The following NOP9 variants were observed in gnomAD, a reference collection of about 807,000 sequenced individuals.
The protein encoded by NOP9 is nucleolar protein 9.
In NOP9, 50 loss-of-function variants were observed where a neutral mutation model predicts 63.0. The observed-to-expected ratio is 0.79, with a 90% CI of 0.63 to 1.00. The LOEUF (loss-of-function observed/expected upper bound fraction) is 1.00. NOP9 is among the 50% of genes least tolerant of loss of function. The pLI is 0.00. For missense variants in NOP9, 758 were observed against 803.0 expected (o/e 0.94, Z 0.68); for synonymous variants, 343 against 332.8 (o/e 1.03, Z -0.33).
At position 24,302,033 on chromosome 14, in the gene NOP9, C is replaced by T. The variant is rs1399643781; in HGVS notation, c.877C>T (p.Pro293Ser). The part of the protein sequence containing the change: ...VALQVLHRKL[P>S]QFCAHLCNAV... ...TTTACAGGTTTTACACCGCAAACTTCCCCAGTTTTGCGCTCATCTCTGCAA... is the reference window on the plus strand; with the variant it reads ...TTTACAGGTTTTACACCGCAAACTTTCCCAGTTTTGCGCTCATCTCTGCAA... Residue 293 changes from proline to serine, a missense_variant, in exon 4 of 10, where the codon CCC becomes TCC. Physicochemically the swap from Pro to Ser is moderately conservative, Grantham distance 74 (BLOSUM62 -1). Coordinates refer to ENST00000267425, the MANE Select transcript of NOP9 (RefSeq NM_174913.3). 3.1e-6 allele frequency: 5 copies of T among 1,613,820 alleles called. No individual in the cohort carries two copies. The African/African-American group carries it at 5.3e-5, about 17-fold the overall frequency.
In NOP9 at chr14:24,304,223, G is replaced by C. The variant is rs748680919; in HGVS notation, c.1593G>C (p.Leu531=). The C allele has an allele frequency of 1.9e-6, 3 of 1,614,152 alleles. No homozygotes were observed. In the Admixed American group the frequency reaches 5.0e-5, roughly 27 times the overall value. ...GCTCTCATGTGCTCGATGCCATCCT[G>C]ACCAGCCCCTCTGTGACGCGCAAGC... ...PAGSHVLDAI[L]TSPSVTRKLR... is the part of the protein sequence containing the mutation. The change falls in exon 8 of 10, where the codon CTG becomes CTC. Residue 531 remains leucine, a synonymous_variant. Coordinates refer to ENST00000267425, the MANE Select transcript of NOP9 (RefSeq NM_174913.3).
chr14:24,291,736 C>T, the NOP9 span: 1 of 1,151,382 alleles, frequency 8.7e-7, no homozygotes, highest in African/African-American at 1.5e-5. Flanking sequence ...CCAAAGAGGC[C>T]AAAGACCTCA....
intron 6 of NOP9, 69 bp from the exon 7 acceptor site, chr14:24,303,663 T>C: frequency 6.6e-7 from 1 of 1,522,638 alleles, no homozygotes. Flanking sequence ...TTCCTGAAGG[T>C]GTTCCCTTAA....
In NOP9 at chr14:24,307,857, A is replaced by C. The variant is rs763699430; in HGVS notation, c.*2762A>C. On this transcript the variant is annotated 3_prime_UTR_variant, in exon 10 of 10. Transcript: ENST00000267425. The stretch of plus-strand genomic sequence containing the variant: ...GGGGTTCAGAGCTGAGAGGTACTCC[A>C]TGGTGGACCGGAGAGTTCCTTCCCT... 16 of 1,590,896 alleles carry C rather than the reference A, an allele frequency of 1.0e-5. No homozygotes were observed. The Admixed American group carries it at 1.1e-4, about 11-fold the overall frequency.
At chr14:24,303,978 T>C in intron 7 of NOP9, 63 bp from the exon 8 acceptor site, 1 of 1,578,738 alleles carries the variant, frequency 6.3e-7, no homozygotes, top group Middle Eastern at 1.7e-4. Flanking sequence ...GGCAGTGTTC[T>C]GGGGATGGGC....
At chr14:24,283,689 T>C in the NOP9 span, among the ~76,000 whole-genome samples, 1 of 152,206 alleles carries the variant, frequency 6.6e-6, no homozygotes, top group Non-Finnish European at 1.5e-5. Context: ...TTCCATTCAC[T>C]CTGAGGCTTT....
the NOP9 span, chr14:24,292,928 G>T: frequency 1.0e-6 from 1 of 986,412 alleles, no homozygotes; most frequent in Non-Finnish European, 1.4e-6. Flanking sequence ...TGAGGAATTA[G>T]GGGCTTGAGG....
chr14:24,286,287 C>T, the NOP9 span, among the ~76,000 whole-genome samples: 1 of 152,210 alleles, frequency 6.6e-6, no homozygotes, highest in Non-Finnish European at 1.5e-5. Flanking sequence ...TTGACTCTGC[C>T]TCCTACAATG....
the NOP9 span, among the ~76,000 whole-genome samples, chr14:24,273,630 G>A: frequency 6.6e-6 from 1 of 152,246 alleles, no homozygotes; most frequent in Non-Finnish European, 1.5e-5. Flanking sequence ...TAGTCCCAGT[G>A]AGGAAAGAGT....
chr14:24,283,816 T>C, the NOP9 span, among the ~76,000 whole-genome samples: 1 of 152,274 alleles, frequency 6.6e-6, no homozygotes, highest in African/African-American at 2.4e-5. Context: ...CTTTCACTGC[T>C]TTAACTAACA....
chr14:24,276,526 A>C, the NOP9 span, among the ~76,000 whole-genome samples: 1 of 152,156 alleles, frequency 6.6e-6, no homozygotes, highest in South Asian at 2.1e-4. Context: ...CTGGCCTCCA[A>C]GCAATCATCC....
the NOP9 span, chr14:24,291,780 T>A: frequency 8.7e-5 from 64 of 738,238 alleles, no homozygotes; most frequent in East Asian, 1.7e-3. Context: ...TATTGGCAGG[T>A]GCCAGAGCCA....
At chr14:24,285,233 G>C in the NOP9 span, among the ~76,000 whole-genome samples, 1 of 152,184 alleles carries the variant, frequency 6.6e-6, no homozygotes, top group Admixed American at 6.5e-5. Context: ...GGAGACTGGG[G>C]CTGGGCCAGG....
At chr14:24,300,330 C>T (rs2041347300) in intron 1 of NOP9, 78 bp from the exon 2 acceptor site, 2 of 1,554,768 alleles carry the variant, frequency 1.3e-6, no homozygotes, top group Admixed American at 1.8e-5. Flanking sequence ...CTCCGACCCA[C>T]GACCCTTGGT....
the NOP9 span, among the ~76,000 whole-genome samples, chr14:24,286,623 C>T: frequency 1.2e-4 from 18 of 152,078 alleles, no homozygotes; most frequent in Admixed American, 3.3e-4. Context: ...GACGGAGTCT[C>T]GCTCTGTCGC....
At chr14:24,292,058 T>C in the NOP9 span, 8 of 1,160,672 alleles carry the variant, frequency 6.9e-6, no homozygotes, top group Non-Finnish European at 8.8e-6. Context: ...AAATAATGTG[T>C]GTCCCATGCT....
chr14:24,305,095 AGG>A lies in NOP9; in HGVS notation c.*1_*2del. ...CATTGAACTCCATACTTGAAGACTGAGGCTTTGGATCTGGGACTGGGTGTTGA... is the reference window on the plus strand; with the variant it reads ...CATTGAACTCCATACTTGAAGACTGACTTTGGATCTGGGACTGGGTGTTGA... On this transcript the variant is annotated 3_prime_UTR_variant, in exon 10 of 10. Coordinates refer to ENST00000267425, the MANE Select transcript of NOP9 (RefSeq NM_174913.3). The A allele has an allele frequency of 2.0e-6, 3 of 1,503,210 alleles. No individual in the cohort carries two copies. The highest frequency in any genetic ancestry group is 2.7e-6 in the Non-Finnish European group (3 of 1,120,262). The allele number at this position is 1,503,210 out of a possible 1,614,324, so 93.1% of individuals were successfully genotyped here.
chr14:24,301,713 GA>G lies in NOP9; in HGVS notation c.800del (p.Asp267AlafsTer37). On this transcript the variant is annotated frameshift_variant, in exon 3 of 10. Coordinates refer to ENST00000267425, the MANE Select transcript of NOP9 (RefSeq NM_174913.3). LOFTEE classifies it high-confidence loss of function. ...GGACCTGAGCTCCTCCTTTCTGAAG[GA>G]CATTGCAGGTAAGGAGGGAAGTAGG... ...LQDLSSSFLKDIAVFITDKIS... is the reference protein window; with the variant it reads ...LQDLSSSFLKXIAVFITDKIS... The G allele has an allele frequency of 6.2e-7, 1 of 1,614,144 alleles. No individual in the cohort carries two copies. Among genetic ancestry groups the G allele is most frequent in the Non-Finnish European group, 8.5e-7 (1 of 1,179,988 alleles).
Position 24,306,802 on chromosome 14 carries a change from C to G in NOP9, c.*1707C>G. 1 of 478,488 alleles carries G rather than the reference C, an allele frequency of 2.1e-6. No individual in the cohort carries two copies. Among genetic ancestry groups the G allele is most frequent in the Admixed American group, 3.3e-5 (1 of 30,130 alleles). 29.6% of individuals were successfully genotyped at this position (478,488 alleles called of 1,614,324 possible). On this transcript the variant is annotated 3_prime_UTR_variant, in exon 10 of 10. Transcript: ENST00000267425. Reference sequence around the variant, plus strand: ...TCTGGTTTGGAATTGGAAAGCAAGCCAGGTTCTCACGAAGTCCACCCTTCT... The same window carrying G: ...TCTGGTTTGGAATTGGAAAGCAAGCGAGGTTCTCACGAAGTCCACCCTTCT...
Sources: gnomAD v4.1 joint callset for allele counts (sites outside exome capture counted in the v4.1 genomes callset) on GRCh38, gnomAD v4.1.1 for gene constraint, MANE v1.5 for transcripts, NCBI Gene and HGNC (gene_info 2026-07-23, HGNC 2026-07-21) for gene names.